AGO1: variants seen among roughly 807,000 people sequenced by gnomAD.
AGO1 encodes argonaute RISC component 1.
In AGO1, 11 loss-of-function variants were observed where a neutral mutation model predicts 109.2. The ratio of observed to expected loss-of-function variants is 0.10; its 90% confidence interval spans 0.06 to 0.17. AGO1 has a LOEUF of 0.17. Among genes scored for constraint, AGO1 ranks in the 10% least tolerant of loss-of-function variants. The probability of loss-of-function intolerance (pLI) is 1.00; values close to 1 mark genes in which losing one functional copy is unlikely to be tolerated. For synonymous variants in AGO1, 422 were observed against 418.6 expected, an observed-to-expected ratio of 1.01 and a Z score of -0.10; for missense variants, 574 against 1,140.3, an observed-to-expected ratio of 0.50 and a Z score of 7.15.
At chr1:35,874,968 GAA>G (rs796166288) in intron 1 of AGO1, among the ~76,000 whole-genome samples, 10 of 152,316 alleles carry the variant, frequency 6.6e-5, no homozygotes, top group African/African-American at 2.4e-4. Flanking sequence ...AGCTATAGAA[GAA>G]AAGTTTGAAG....
At position 35,924,295 on chromosome 1, in the gene AGO1, CT is replaced by C. The variant is rs1367463573; in HGVS notation, c.*4689del. On this transcript the variant is annotated 3_prime_UTR_variant, in exon 19 of 19. Transcript: ENST00000373204. ...ATAAAGACAACAGTGGCTTCTATTT[CT>C]AAAGTGCGGTCTTTCTCTTTTTTTT... The C allele has an allele frequency of 6.5e-6, 1 of 153,200 alleles. No individual in the cohort carries two copies. Among genetic ancestry groups the C allele is most frequent in the African/African-American group, 2.4e-5 (1 of 41,440 alleles). The allele number at this position is 153,200 out of a possible 1,614,324, so 9.5% of individuals were successfully genotyped here. A position where few individuals can be genotyped will look rare whatever the true frequency, so the allele number is the denominator to read the frequency against.
intron 11 of AGO1, 100 bp downstream of exon 11, chr1:35,902,437 C>T: frequency 6.9e-7 from 1 of 1,442,362 alleles, no homozygotes. Flanking sequence ...GTAATGTGTT[C>T]TGTCTTGACT....
chr1:35,911,005 G>A (rs899539946), intron 12 of AGO1, among the ~76,000 whole-genome samples: 3 of 152,160 alleles, frequency 2.0e-5, no homozygotes, highest in Admixed American at 6.5e-5. Flanking sequence ...GATGGAGGTT[G>A]CAGTGAGCCA....
chr1:35,918,929 G>A (rs531634158), intron 17 of AGO1, 126 bp from the exon 18 acceptor site: 4 of 846,032 alleles, frequency 4.7e-6, no homozygotes, highest in African/African-American at 3.3e-5. Flanking sequence ...GACATTGGTA[G>A]TTTTGCATCT....
intron 11 of AGO1, among the ~76,000 whole-genome samples, chr1:35,906,677 G>A (rs1210143176): frequency 1.3e-5 from 2 of 151,970 alleles, no homozygotes; most frequent in Non-Finnish European, 2.9e-5. Flanking sequence ...AGGCATGGTG[G>A]CATTCCTCTA....
rs1339311810 is a variant in AGO1 at position 35,928,918 on chromosome 1, C to CAGAACAACCAGTGTCACCAGGTATG, written c.*9314_*9338dup. The CAGAACAACCAGTGTCACCAGGTATG allele has an allele frequency of 7.2e-5, 11 of 152,216 alleles. No individual in the cohort carries two copies. The highest frequency in any genetic ancestry group is 2.7e-4 in the African/African-American group (11 of 41,448). 9.4% of individuals were successfully genotyped at this position (152,216 alleles called of 1,614,324 possible). On this transcript the variant is annotated 3_prime_UTR_variant, in exon 19 of 19. Transcript: ENST00000373204. Reference sequence around the variant, plus strand: ...TACTATTTCTGTATTTCTTTCTTCTCAGAACAACCAGTGTCACCAGGTATG... The same window carrying CAGAACAACCAGTGTCACCAGGTATG: ...TACTATTTCTGTATTTCTTTCTTCTCAGAACAACCAGTGTCACCAGGTATGAGAACAACCAGTGTCACCAGGTATG...
Position 35,883,561 on chromosome 1 carries a change from A to G in AGO1, c.25+115A>G. On this transcript the variant is annotated intron_variant, in intron 1 of 18. Coordinates refer to ENST00000373204, the MANE Select transcript of AGO1 (RefSeq NM_012199.5). The surrounding 1 kb of genome is among the most constrained non-coding windows in gnomAD (Gnocchi z 5.4). The stretch of plus-strand genomic sequence containing the variant: ...CCTGAGTGAGGAGAAGGGCTCTCCC[A>G]CGATGGGGGCCCAGTTTGAAGGAGG... 7.2e-7 allele frequency: 1 copy of G among 1,382,738 alleles called. No individual in the cohort carries two copies. The highest frequency in any genetic ancestry group is 9.4e-7 in the Non-Finnish European group (1 of 1,059,818). 85.7% of individuals were successfully genotyped at this position (1,382,738 alleles called of 1,614,324 possible).
intron 15 of AGO1, 91 bp downstream of exon 15, chr1:35,915,633 G>A: frequency 1.6e-6 from 2 of 1,241,596 alleles, no homozygotes; most frequent in South Asian, 1.4e-5. Flanking sequence ...ACTGAGAGGT[G>A]TGTCACTTCT....
rs369837931 is a variant in AGO1 at position 35,918,312 on chromosome 1, C to T, written c.2164-10C>T. 1.6e-4 allele frequency: 253 copies of T among 1,608,218 alleles called. 1 individual carries two copies. The highest frequency in any genetic ancestry group is 2.0e-4 in the Non-Finnish European group (235 of 1,174,740). ...GTCTTGGGATCTTGGTTGTGTTTGT[C>T]TCTATACAGATTGGGAAGAGTGGTA... On this transcript the variant is annotated splice_polypyrimidine_tract_variant and intron_variant, in intron 16 of 18. Transcript: ENST00000373204.
chr1:35,917,248 T>C (rs1645751407), intron 15 of AGO1, among the ~76,000 whole-genome samples: 1 of 152,216 alleles, frequency 6.6e-6, no homozygotes, highest in African/African-American at 2.4e-5. Flanking sequence ...AGTCACCTGA[T>C]CCTGTGTGAA....
intron 15 of AGO1, 143 bp from the exon 16 acceptor site, chr1:35,917,450 C>T (rs1645753853): frequency 1.1e-6 from 1 of 940,864 alleles, no homozygotes; most frequent in South Asian, 2.1e-5. Context: ...GGCCTGTCAT[C>T]TCTAATTGTT....
intron 1 of AGO1, among the ~76,000 whole-genome samples, chr1:35,875,260 G>C (rs1644983766): frequency 6.6e-6 from 1 of 152,180 alleles, no homozygotes; most frequent in Non-Finnish European, 1.5e-5. Flanking sequence ...AATGTAGCTG[G>C]TGACTTTAAA....
At position 35,918,252 on chromosome 1, in the gene AGO1, A is replaced by G; in HGVS notation, c.2164-70A>G. The G allele has an allele frequency of 1.6e-6, 2 of 1,217,656 alleles. 1 individual carries two copies. The highest frequency in any genetic ancestry group is 2.4e-5 in the South Asian group (2 of 82,830). The allele number at this position is 1,217,656 out of a possible 1,614,324, so 75.4% of individuals were successfully genotyped here. A position where few individuals can be genotyped will look rare whatever the true frequency, so the allele number is the denominator to read the frequency against. ...CTTGGGATTTTGGTGAAATCAGAGT[A>G]GAATTGAGCCAGGGTCCTGGTTAGG... is the stretch of plus-strand genomic sequence containing the variant. On this transcript the variant is annotated intron_variant, in intron 16 of 18. Transcript: ENST00000373204.
At chr1:35,882,716 C>T (rs1645049827), upstream of AGO1, 3 of 677,200 alleles carry the variant, frequency 4.4e-6, no homozygotes, top group Non-Finnish European at 5.5e-6. This position sits in a 1 kb window ranked among gnomAD's most constrained non-coding sequence, Gnocchi z 5.1. Flanking sequence ...CAGCACATGG[C>T]GTGGAAGAGG....
At chr1:35,906,864 G>A (rs1645530395) in intron 11 of AGO1, 71 bp from the exon 12 acceptor site, 3 of 1,358,320 alleles carry the variant, frequency 2.2e-6, no homozygotes, top group African/African-American at 1.4e-5. Context: ...AAGCACCTAA[G>A]ATGGATGGAT....
chr1:35,911,006 C>T (rs1233964843), intron 12 of AGO1, among the ~76,000 whole-genome samples: 1 of 152,106 alleles, frequency 6.6e-6, no homozygotes, highest in Non-Finnish European at 1.5e-5. Flanking sequence ...ATGGAGGTTG[C>T]AGTGAGCCAA....
intron 7 of AGO1, among the ~76,000 whole-genome samples, chr1:35,894,687 ATC>A (rs1344403125): frequency 6.6e-6 from 1 of 152,110 alleles, no homozygotes; most frequent in Non-Finnish European, 1.5e-5. Context: ...AAATGTTAGA[ATC>A]TCTCTCAAAT....
chr1:35,916,971 G>C (rs1645746618), intron 15 of AGO1, among the ~76,000 whole-genome samples: 1 of 152,158 alleles, frequency 6.6e-6, no homozygotes, highest in Non-Finnish European at 1.5e-5. Flanking sequence ...ATAAAGCTTG[G>C]ATTTAAATCT....
rs59443978 is a variant in AGO1 at position 35,913,089 on chromosome 1, G to A, written c.1583-753G>A. Among the ~76,000 whole-genome samples, 1,015 of 150,368 alleles carry A rather than the reference G, an allele frequency of 6.8e-3. 7 individuals are homozygous for A. The highest frequency in any genetic ancestry group is 0.024 in the African/African-American group (960 of 40,846). On this transcript the variant is annotated intron_variant, in intron 12 of 18. Transcript: ENST00000373204. ...GGCTGGAGTGCAGTGGCACAATCTC[G>A]GCTCACTACAAGCTCCACCTCCCGG...
Sources: gnomAD v4.1 joint callset for allele counts (sites outside exome capture counted in the v4.1 genomes callset) on GRCh38, gnomAD v4.1.1 for gene constraint, Gnocchi (gnomAD v3.1) non-coding constraint, MANE v1.5 for transcripts, NCBI Gene and HGNC (gene_info 2026-07-23, HGNC 2026-07-21) for gene names.